The following LRRTM4 variants were observed in gnomAD, a reference collection of about 807,000 sequenced individuals.
The protein encoded by LRRTM4 is leucine rich repeat transmembrane neuronal 4.
In LRRTM4, 25 loss-of-function variants were observed where a neutral mutation model predicts 47.6. The ratio of observed to expected loss-of-function variants is 0.53; its 90% CI spans 0.38 to 0.73. The LOEUF (loss-of-function observed/expected upper bound fraction) is 0.73. Among genes scored for constraint, LRRTM4 ranks in the 30% least tolerant of loss-of-function variants. The pLI, the probability that LRRTM4 is intolerant of heterozygous loss-of-function variation, is 0.00. For synonymous variants in LRRTM4, 311 were observed against 269.5 expected, an observed-to-expected ratio of 1.15 and a Z score of -1.51; for missense variants, 638 against 713.4, an observed-to-expected ratio of 0.89 and a Z score of 1.20.
chr2:76,995,128 T>G (rs1020825482), intron 3 of LRRTM4, among the ~76,000 whole-genome samples: 1 of 151,980 alleles, frequency 6.6e-6, no homozygotes, highest in African/African-American at 2.4e-5. Flanking sequence ...GAACTAAAGT[T>G]TAGAAAATGC....
At chr2:77,185,824 G>C (rs1311406712) in intron 3 of LRRTM4, among the ~76,000 whole-genome samples, 1 of 152,092 alleles carries the variant, frequency 6.6e-6, no homozygotes, top group African/African-American at 2.4e-5. Flanking sequence ...TTGAATTACT[G>C]TTCAGTCATT....
chr2:77,196,099 A>G (rs1237079325), intron 3 of LRRTM4, among the ~76,000 whole-genome samples: 1 of 152,170 alleles, frequency 6.6e-6, no homozygotes, highest in Non-Finnish European at 1.5e-5. Context: ...CATTAGAAAT[A>G]ATGGTATATT....
chr2:76,765,487 A>G (rs1673421460), intron 3 of LRRTM4, among the ~76,000 whole-genome samples: 1 of 152,164 alleles, frequency 6.6e-6, no homozygotes, highest in African/African-American at 2.4e-5. Flanking sequence ...TAGGGCCTCT[A>G]AGGTAGTAAC....
chr2:77,180,574 C>T (rs528448743), intron 3 of LRRTM4, among the ~76,000 whole-genome samples: 1 of 152,146 alleles, frequency 6.6e-6, no homozygotes, highest in African/African-American at 2.4e-5. Context: ...AAAACCTTCA[C>T]ATCAATAAAA....
intron 3 of LRRTM4, among the ~76,000 whole-genome samples, chr2:77,401,664 G>T (rs147223835): frequency 6.1e-4 from 93 of 151,884 alleles, no homozygotes; most frequent in African/African-American, 2.1e-3. Context: ...AATAGCTACC[G>T]CCAGCCCTAA....
intron 3 of LRRTM4, among the ~76,000 whole-genome samples, chr2:76,846,720 C>T (rs1671847789): frequency 1.3e-5 from 2 of 152,116 alleles, no homozygotes; most frequent in Non-Finnish European, 2.9e-5. Context: ...GGTTTGCCTG[C>T]TTTACATACA....
At chr2:77,025,077 C>T (rs1678409025) in intron 3 of LRRTM4, among the ~76,000 whole-genome samples, 1 of 152,082 alleles carries the variant, frequency 6.6e-6, no homozygotes, top group Non-Finnish European at 1.5e-5. Flanking sequence ...TCAGTACGTT[C>T]ATAATTAGTG....
At chr2:77,521,380 CCTT>C (rs898782780) in intron 2 of LRRTM4, among the ~76,000 whole-genome samples, 1 of 151,908 alleles carries the variant, frequency 6.6e-6, no homozygotes, top group Non-Finnish European at 1.5e-5. Context: ...GTATTTATCT[CCTT>C]CTGAATTCCC....
intron 3 of LRRTM4, among the ~76,000 whole-genome samples, chr2:77,147,028 T>C (rs568251577): frequency 1.3e-5 from 2 of 152,324 alleles, no homozygotes; most frequent in South Asian, 4.1e-4. Context: ...TTTTTCATTT[T>C]AAAATATACA....
intron 3 of LRRTM4, among the ~76,000 whole-genome samples, chr2:76,935,259 GTAGTA>G (rs1163694387): frequency 2.0e-5 from 3 of 152,112 alleles, no homozygotes; most frequent in Non-Finnish European, 2.9e-5. Flanking sequence ...CTCTAGCCTC[GTAGTA>G]TAGTGTGAAG....
chr2:77,250,406 GGAGTA>G (rs1411533845), intron 3 of LRRTM4, among the ~76,000 whole-genome samples: 2 of 152,094 alleles, frequency 1.3e-5, no homozygotes, highest in Non-Finnish European at 2.9e-5. Context: ...ATGCATAGAT[GGAGTA>G]GAGGGATATA....
At chr2:76,791,213 CT>C (rs995231060) in intron 3 of LRRTM4, among the ~76,000 whole-genome samples, 3 of 152,240 alleles carry the variant, frequency 2.0e-5, no homozygotes, top group African/African-American at 7.2e-5. Context: ...AGGCATGTGG[CT>C]TGCCAAAACC....
chr2:77,345,475 A>G (rs1415102501), intron 3 of LRRTM4, among the ~76,000 whole-genome samples: 1 of 152,004 alleles, frequency 6.6e-6, no homozygotes, highest in Admixed American at 6.6e-5. Context: ...GTCCAACAGG[A>G]AAAAATAGAC....
At chr2:77,011,816 A>G (rs1179923174) in intron 3 of LRRTM4, among the ~76,000 whole-genome samples, 4 of 151,948 alleles carry the variant, frequency 2.6e-5, no homozygotes, top group African/African-American at 9.7e-5. Context: ...TTTACACAGG[A>G]TTTTGTTTCC....
At chr2:77,075,178 A>G (rs565136125) in intron 3 of LRRTM4, among the ~76,000 whole-genome samples, 1 of 152,362 alleles carries the variant, frequency 6.6e-6, no homozygotes, top group South Asian at 2.1e-4. Flanking sequence ...AAACAGATCA[A>G]TGTCAAGTAT....
At chr2:76,803,988 A>G (rs181735550) in intron 3 of LRRTM4, among the ~76,000 whole-genome samples, 2 of 152,302 alleles carry the variant, frequency 1.3e-5, no homozygotes, top group East Asian at 1.9e-4. Context: ...ATGTGTTGTC[A>G]CAACTCATTG....
At chr2:77,483,192 T>G (rs111358754) in intron 3 of LRRTM4, among the ~76,000 whole-genome samples, 2,260 of 150,842 alleles carry the variant, frequency 0.015, 54 homozygotes, top group African/African-American at 0.052. Context: ...AGGTTCTAAT[T>G]TACAATGCAT....
chr2:77,129,452 C>A (rs1022980611), intron 3 of LRRTM4, among the ~76,000 whole-genome samples: 1 of 152,124 alleles, frequency 6.6e-6, no homozygotes. Flanking sequence ...GCTGTATGAT[C>A]TTTACACAAA....
In LRRTM4 at chr2:77,283,712, A is replaced by G. The variant is rs776835461; in HGVS notation, c.1551+234606T>C. ...GGAGGCCATTATCCTAAGCAAATTA[A>G]TGCAGGAGCAAAAAATCAAAATACC... On this transcript the variant is annotated intron_variant, in intron 3 of 3. Coordinates refer to ENST00000409884, the MANE Select transcript of LRRTM4 (RefSeq NM_001134745.3). Among the ~76,000 whole-genome samples the G allele has an allele frequency of 3.9e-4, 59 of 152,042 alleles. 1 individual carries two copies. Among genetic ancestry groups the G allele is most frequent in the African/African-American group, 1.7e-4 (7 of 41,406 alleles).
Sources: allele counts gnomAD v4.1 joint callset (sites outside exome capture counted in the v4.1 genomes callset), GRCh38; gene constraint gnomAD v4.1.1; transcripts MANE v1.5; gene names NCBI Gene and HGNC (gene_info 2026-07-23, HGNC 2026-07-21).